ATP8A2: variants seen among roughly 807,000 people sequenced by gnomAD.
ATP8A2 encodes ATPase phospholipid transporting 8A2.
In ATP8A2, 100 loss-of-function variants were observed where a neutral mutation model predicts 165.6. The observed-to-expected ratio is 0.60, with a 90% CI of 0.51 to 0.71. ATP8A2 has a LOEUF of 0.71. ATP8A2 is among the 30% of genes least tolerant of loss of function. ATP8A2 has a pLI of 0.00. For synonymous variants in ATP8A2, 543 were observed against 548.8 expected (o/e 0.99, Z 0.15); for missense variants, 1,227 against 1,479.5 (o/e 0.83, Z 2.80).
intron 36 of ATP8A2, among the ~76,000 whole-genome samples, chr13:26,016,621 C>G (rs984482125): frequency 5.8e-4 from 88 of 152,140 alleles, no homozygotes; most frequent in African/African-American, 2.1e-3. Context: ...AAGGACACTC[C>G]CTAATTTATT....
intron 25 of ATP8A2, among the ~76,000 whole-genome samples, chr13:25,762,291 A>AAAAAAAAAG (rs2044397437): frequency 6.7e-6 from 1 of 149,658 alleles, no homozygotes. Flanking sequence ...AAAAAAAAAA[A>AAAAAAAAAG]AAAAAGCTGT....
intron 33 of ATP8A2, among the ~76,000 whole-genome samples, chr13:25,865,905 C>T (rs1418534749): frequency 6.6e-6 from 1 of 152,162 alleles, no homozygotes; most frequent in African/African-American, 2.4e-5. Flanking sequence ...ATGGAAAATA[C>T]ATGATGATGT....
At chr13:25,401,959 C>T (rs535322682) in intron 1 of ATP8A2, among the ~76,000 whole-genome samples, 4 of 152,114 alleles carry the variant, frequency 2.6e-5, no homozygotes, top group South Asian at 2.1e-4. Context: ...TGGGCCCAAA[C>T]GATCCTCCCT....
chr13:25,891,913 G>C (rs147536376), intron 33 of ATP8A2, among the ~76,000 whole-genome samples: 4 of 152,042 alleles, frequency 2.6e-5, no homozygotes, highest in South Asian at 2.1e-4. Flanking sequence ...TAGTGTGTGC[G>C]TGTGTGTGGT....
chr13:25,868,385 C>T (rs1430480605), intron 33 of ATP8A2, among the ~76,000 whole-genome samples: 2 of 152,126 alleles, frequency 1.3e-5, no homozygotes, highest in Non-Finnish European at 2.9e-5. Context: ...TTTAGAAACC[C>T]GTGGCATGGC....
intron 1 of ATP8A2, among the ~76,000 whole-genome samples, chr13:25,385,404 T>TA (rs1463145351): frequency 1.1e-4 from 17 of 152,330 alleles, no homozygotes; most frequent in Admixed American, 2.6e-4. Context: ...CTCTATAAAA[T>TA]GTCAGTAGTA....
chr13:25,526,973 T>C (rs535624877), intron 2 of ATP8A2, among the ~76,000 whole-genome samples: 2 of 152,234 alleles, frequency 1.3e-5, no homozygotes, highest in South Asian at 2.1e-4. Flanking sequence ...TGCTGGCAGA[T>C]TGGGGAGAGG....
At chr13:25,419,657 G>A (rs1383218403) in intron 1 of ATP8A2, among the ~76,000 whole-genome samples, 1 of 151,996 alleles carries the variant, frequency 6.6e-6, no homozygotes, top group Middle Eastern at 3.2e-3. Context: ...TCTCATAACC[G>A]TAATGTTTTA....
At chr13:25,710,768 G>T (rs768246252) in intron 25 of ATP8A2, among the ~76,000 whole-genome samples, 4 of 152,176 alleles carry the variant, frequency 2.6e-5, no homozygotes, top group Non-Finnish European at 4.4e-5. Flanking sequence ...TGCTATGAAA[G>T]CTGAATCTTG....
chr13:25,719,252 A>G (rs1294930131), intron 25 of ATP8A2, among the ~76,000 whole-genome samples: 1 of 151,754 alleles, frequency 6.6e-6, no homozygotes, highest in Non-Finnish European at 1.5e-5. Flanking sequence ...TCCTTTGGGG[A>G]TTGCTTGTTT....
intron 24 of ATP8A2, among the ~76,000 whole-genome samples, chr13:25,640,193 A>G (rs1232837697): frequency 9.2e-5 from 14 of 152,222 alleles, no homozygotes; most frequent in Admixed American, 9.2e-4. Context: ...AATTAAAAGA[A>G]CTAGAGAAAC....
chr13:25,768,755 C>T (rs2044550134), intron 25 of ATP8A2, among the ~76,000 whole-genome samples: 1 of 152,180 alleles, frequency 6.6e-6, no homozygotes, highest in Non-Finnish European at 1.5e-5. Context: ...TTCAGCAGGG[C>T]ACACGTACCC....
chr13:25,948,621 C>G (rs1006375626), intron 33 of ATP8A2, among the ~76,000 whole-genome samples: 1 of 152,164 alleles, frequency 6.6e-6, no homozygotes, highest in African/African-American at 2.4e-5. Context: ...GGGCCTTGAG[C>G]AGATAACTAG....
chr13:25,873,042 C>T (rs1401028855), intron 33 of ATP8A2, among the ~76,000 whole-genome samples: 1 of 152,028 alleles, frequency 6.6e-6, no homozygotes, highest in Admixed American at 6.5e-5. Flanking sequence ...TCTTGACCAA[C>T]GCAGATCTGG....
intron 33 of ATP8A2, among the ~76,000 whole-genome samples, chr13:25,933,154 CTG>C: frequency 6.6e-6 from 1 of 152,354 alleles, no homozygotes. Flanking sequence ...TGCACCTGCC[CTG>C]TGTGTGGATT....
intron 27 of ATP8A2, among the ~76,000 whole-genome samples, chr13:25,821,264 C>T (rs958761121): frequency 2.0e-5 from 3 of 152,148 alleles, no homozygotes. Flanking sequence ...TTTTACATGA[C>T]TCAGTATTGC....
In ATP8A2 at chr13:25,807,549, A is replaced by G. The variant is rs144448522; in HGVS notation, c.2680-20569A>G. Among the ~76,000 whole-genome samples the G allele has an allele frequency of 2.3e-4, 35 of 152,334 alleles. 1 individual carries two copies. Among genetic ancestry groups the G allele is most frequent in the African/African-American group, 7.9e-4 (33 of 41,580 alleles). ...TTCTATCCCATTTATTTATACATCT[A>G]TCTGCAAAATTATTTTAATAAAAAC... On this transcript the variant is annotated intron_variant, in intron 27 of 36. Transcript: ENST00000381655.
chr13:25,482,115 G>T (rs79114334), intron 2 of ATP8A2, among the ~76,000 whole-genome samples: 1,546 of 152,184 alleles, frequency 0.01, 12 homozygotes, highest in South Asian at 0.025. Flanking sequence ...TTATTTTTTG[G>T]AGGTATATAT....
intron 25 of ATP8A2, among the ~76,000 whole-genome samples, chr13:25,735,971 T>C (rs1265108557): frequency 1.3e-5 from 2 of 152,212 alleles, no homozygotes; most frequent in Admixed American, 1.3e-4. Context: ...GCGACTACTA[T>C]TTTTATCTTT....
Sources: gnomAD v4.1 joint callset for allele counts (sites outside exome capture counted in the v4.1 genomes callset) on GRCh38, gnomAD v4.1.1 for gene constraint, MANE v1.5 for transcripts, NCBI Gene and HGNC (gene_info 2026-07-23, HGNC 2026-07-21) for gene names.